The following CIMAP1D variants were observed in gnomAD, a reference collection of about 807,000 sequenced individuals.
CIMAP1D encodes protein CIMAP1D.
At chr19:487,163 G>A in the CIMAP1D span, among the ~76,000 whole-genome samples, 93 of 152,236 alleles carry the variant, frequency 6.1e-4, 2 homozygotes, top group East Asian at 0.017. Context: ...CTATTGCAGC[G>A]GCGGCTGGAG....
chr19:485,635 G>T, the CIMAP1D span, among the ~76,000 whole-genome samples: 5 of 152,186 alleles, frequency 3.3e-5, no homozygotes, highest in African/African-American at 1.2e-4. Context: ...CTAAAGCACC[G>T]GGAGGGCAGG....
the CIMAP1D span, among the ~76,000 whole-genome samples, chr19:488,102 G>A: frequency 6.6e-6 from 1 of 152,174 alleles, no homozygotes. Context: ...TGCTCACTCG[G>A]GGAGCTCGGC....
the CIMAP1D span, among the ~76,000 whole-genome samples, chr19:470,828 C>T: frequency 2.6e-5 from 4 of 152,384 alleles, no homozygotes; most frequent in South Asian, 6.2e-4. Context: ...CTGATGAACA[C>T]CAACAGCTCC....
At chr19:485,849 G>C in the CIMAP1D span, among the ~76,000 whole-genome samples, 1 of 152,214 alleles carries the variant, frequency 6.6e-6, no homozygotes, top group South Asian at 2.1e-4. Context: ...GGCCCGTCCA[G>C]GGTCAGCTCA....
the CIMAP1D span, chr19:464,211 G>A: frequency 6.6e-7 from 1 of 1,517,604 alleles, no homozygotes; most frequent in South Asian, 1.2e-5. Context: ...GCCCCACAGA[G>A]GGGGCATGGT....
At chr19:477,697 C>G in the CIMAP1D span, among the ~76,000 whole-genome samples, 2 of 152,260 alleles carry the variant, frequency 1.3e-5, no homozygotes, top group Admixed American at 1.3e-4. Flanking sequence ...GAGTCTCGCT[C>G]TGTCGCCCAG....
chr19:471,847 A>G, the CIMAP1D span, among the ~76,000 whole-genome samples: 3 of 151,404 alleles, frequency 2.0e-5, no homozygotes, highest in Non-Finnish European at 4.4e-5. Flanking sequence ...GCTTCACGCC[A>G]TTCTCCTGCC....
At chr19:488,771 C>T in the CIMAP1D span, among the ~76,000 whole-genome samples, 2 of 152,220 alleles carry the variant, frequency 1.3e-5, no homozygotes, top group Non-Finnish European at 2.9e-5. Context: ...TTCCCAGTCT[C>T]CGCCCGGGGA....
the CIMAP1D span, among the ~76,000 whole-genome samples, chr19:470,954 G>A: frequency 6.6e-6 from 1 of 152,164 alleles, no homozygotes; most frequent in Non-Finnish European, 1.5e-5. Flanking sequence ...TGCACCCCAT[G>A]CCTGCCCTCC....
the CIMAP1D span, among the ~76,000 whole-genome samples, chr19:487,899 C>CCTA: frequency 6.6e-6 from 1 of 152,196 alleles, no homozygotes; most frequent in Non-Finnish European, 1.5e-5. Context: ...CGACCCCTGA[C>CCTA]CTACTGGGTT....
the CIMAP1D span, among the ~76,000 whole-genome samples, chr19:483,339 G>A: frequency 6.9e-6 from 1 of 143,950 alleles, no homozygotes; most frequent in South Asian, 2.3e-4. Flanking sequence ...GCCAGAGCCA[G>A]CTCTTCAGAC....
chr19:472,630 G>T, the CIMAP1D span: 2 of 559,202 alleles, frequency 3.6e-6, no homozygotes, highest in South Asian at 2.5e-5. Flanking sequence ...GCCCCGGGGA[G>T]CAAGAGGCTG....
chr19:467,603 C>A, the CIMAP1D span: 17 of 1,232,976 alleles, frequency 1.4e-5, no homozygotes, highest in African/African-American at 1.3e-4. Context: ...GTCGCTGAGA[C>A]CCTGGAAAGC....
At chr19:489,632 G>A in the CIMAP1D span, 3 of 172,090 alleles carry the variant, frequency 1.7e-5, no homozygotes, top group Admixed American at 6.3e-5. Context: ...TCGGGCCTGT[G>A]GGTGACCGTG....
the CIMAP1D span, chr19:464,247 G>T: frequency 1.3e-6 from 2 of 1,530,468 alleles, no homozygotes; most frequent in Non-Finnish European, 1.8e-6. Flanking sequence ...AGGGGCTGAG[G>T]TGTCCAGGGG....
At chr19:474,606 A>G in the CIMAP1D span, 1 of 1,504,160 alleles carries the variant, frequency 6.6e-7, no homozygotes, top group East Asian at 2.6e-5. Context: ...CCCATCCCCC[A>G]CGGCTGGCAC....
the CIMAP1D span, among the ~76,000 whole-genome samples, chr19:487,038 C>T: frequency 6.6e-6 from 1 of 152,174 alleles, no homozygotes; most frequent in African/African-American, 2.4e-5. Context: ...AGGTGTGAAC[C>T]GCCATGCCCG....
At chr19:480,947 AGAAGGAATGTGG>A in the CIMAP1D span, among the ~76,000 whole-genome samples, 1 of 80,152 alleles carries the variant, frequency 1.2e-5, no homozygotes, top group Non-Finnish European at 2.7e-5. Context: ...AGGATGATGG[AGAAGGAATGTGG>A]GAAGGATGAT....
the CIMAP1D span, among the ~76,000 whole-genome samples, chr19:482,550 C>T: frequency 6.6e-6 from 1 of 152,174 alleles, no homozygotes; most frequent in Non-Finnish European, 1.5e-5. Context: ...GAAATGCTGC[C>T]TTAGTGGATG....
Sources: allele counts gnomAD v4.1 joint callset (sites outside exome capture counted in the v4.1 genomes callset), GRCh38; gene constraint gnomAD v4.1.1; transcripts MANE v1.5; gene names NCBI Gene and HGNC (gene_info 2026-07-23, HGNC 2026-07-21).